Variants in KCNK10 observed in about 807,000 individuals in gnomAD.
The protein encoded by KCNK10 is potassium two pore domain channel subfamily K member 10, also known as potassium channel subfamily K member 10.
A neutral mutation model predicts 47.7 loss-of-function variants in KCNK10; 25 were observed. That is an observed-to-expected ratio of 0.52 (90% CI 0.38 to 0.73). The LOEUF (loss-of-function observed/expected upper bound fraction) is 0.73. Among genes scored for constraint, KCNK10 ranks in the 30% least tolerant of loss-of-function variants. The pLI, the probability that KCNK10 is intolerant of heterozygous loss-of-function variation, is 0.00. For missense variants in KCNK10, 563 were observed against 714.5 expected (o/e 0.79, Z 2.42); for synonymous variants, 303 against 285.6 (o/e 1.06, Z -0.61).
intron 1 of KCNK10, among the ~76,000 whole-genome samples, chr14:88,279,487 G>T (rs2139770614): frequency 6.6e-6 from 1 of 151,160 alleles, no homozygotes; most frequent in Admixed American, 6.6e-5. Context: ...CCAGATTCAG[G>T]AAACAAAAAT....
At chr14:88,199,295 G>A (rs1015186050) in intron 4 of KCNK10, among the ~76,000 whole-genome samples, 1 of 152,112 alleles carries the variant, frequency 6.6e-6, no homozygotes, top group Non-Finnish European at 1.5e-5. Flanking sequence ...ATCCTCTGGT[G>A]TTCAGCAAGC....
At chr14:88,254,505 T>C (rs1405223237) in intron 2 of KCNK10, among the ~76,000 whole-genome samples, 4 of 152,114 alleles carry the variant, frequency 2.6e-5, no homozygotes, top group Admixed American at 2.0e-4. Flanking sequence ...TCAGAATTCA[T>C]AACCTGAAAA....
rs941055018 is a variant in KCNK10, at chr14:88,185,207, C to A, written c.*328G>T. The A allele has an allele frequency of 1.5e-5, 4 of 268,484 alleles. No homozygotes were observed. Among genetic ancestry groups the A allele is most frequent in the Admixed American group, 5.0e-5 (1 of 20,028 alleles). 16.6% of individuals were successfully genotyped at this position (268,484 alleles called of 1,614,324 possible). On this transcript the variant is annotated 3_prime_UTR_variant, in exon 7 of 7. Transcript: ENST00000319231. This position sits in a 1 kb window ranked among gnomAD's most constrained non-coding sequence, Gnocchi z 4.3. ...TTCAGGAGGCTGGTCTAAGGAATAG[C>A]TGCCCTTGTCTACGTGTGTGCCCAG... is the stretch of plus-strand genomic sequence containing the variant.
intron 1 of KCNK10, among the ~76,000 whole-genome samples, chr14:88,299,203 A>T (rs572564770): frequency 6.6e-6 from 1 of 152,218 alleles, no homozygotes; most frequent in Non-Finnish European, 1.5e-5. Flanking sequence ...GTCATATAGT[A>T]TCTGGCAAAT....
chr14:88,233,181 C>T (rs866767498), intron 3 of KCNK10, among the ~76,000 whole-genome samples: 25 of 152,298 alleles, frequency 1.6e-4, no homozygotes, highest in Admixed American at 4.6e-4. Context: ...GGGGGTTTAA[C>T]ATTTATTTCT....
At chr14:88,249,391 C>A (rs1274784270) in intron 2 of KCNK10, among the ~76,000 whole-genome samples, 1 of 152,156 alleles carries the variant, frequency 6.6e-6, no homozygotes, top group Non-Finnish European at 1.5e-5. Context: ...CAAAGCCCTG[C>A]CACTCTAAAG....
chr14:88,218,087 G>C (rs8011778), intron 4 of KCNK10, among the ~76,000 whole-genome samples: 1 of 151,740 alleles, frequency 6.6e-6, no homozygotes, highest in Non-Finnish European at 1.5e-5. Flanking sequence ...TTGAACTCCC[G>C]GGCTCAAGTA....
rs1884774854 is a variant in KCNK10, at chr14:88,192,303, G to A, written c.789C>T (p.Ile263=). The change falls in exon 5 of 7, where the codon ATC becomes ATT. Residue 263 remains isoleucine, a synonymous_variant. Transcript: ENST00000319231. Reference sequence around the variant, plus strand: ...TGGACTCCAAGGCCGTCCAGCCCTCGATGTACTTAAAGATGACAGCAGGGA... The same window carrying A: ...TGGACTCCAAGGCCGTCCAGCCCTCAATGTACTTAAAGATGACAGCAGGGA... ...VTIPAVIFKY[I]EGWTALESIY... is the part of the protein sequence containing the mutation. 13 of 1,613,948 alleles carry A rather than the reference G, an allele frequency of 8.1e-6. No homozygotes were observed. The highest frequency in any genetic ancestry group is 5.5e-5 in the South Asian group (5 of 91,076).
chr14:88,313,768 A>C (rs1888373585), intron 1 of KCNK10, among the ~76,000 whole-genome samples: 1 of 152,204 alleles, frequency 6.6e-6, no homozygotes, highest in African/African-American at 2.4e-5. Context: ...TGAGATAATA[A>C]ATGTTTATAT....
intron 1 of KCNK10, among the ~76,000 whole-genome samples, chr14:88,314,025 T>C (rs1192590659): frequency 1.3e-5 from 2 of 152,240 alleles, no homozygotes; most frequent in African/African-American, 4.8e-5. Context: ...CATTTGATCA[T>C]CTCAGCAACT....
At chr14:88,324,460 G>A (rs1360027305), upstream of KCNK10, among the ~76,000 whole-genome samples, 1 of 152,202 alleles carries the variant, frequency 6.6e-6, no homozygotes, top group Non-Finnish European at 1.5e-5. Flanking sequence ...GTGTTGGATA[G>A]GAAGTAGTTT....
chr14:88,307,327 TCACA>T (rs112756986), intron 1 of KCNK10, among the ~76,000 whole-genome samples: 1,769 of 148,956 alleles, frequency 0.012, 44 homozygotes, highest in African/African-American at 0.041. Flanking sequence ...AAGAAGCTGA[TCACA>T]CACACACACA....
rs1884564928 is a variant in KCNK10, at chr14:88,186,466, G to T, written c.1012-311C>A. Among the ~76,000 whole-genome samples, 1 of 152,106 alleles carries T rather than the reference G, an allele frequency of 6.6e-6. No homozygotes were observed. The highest frequency in any genetic ancestry group is 6.5e-5 in the Admixed American group (1 of 15,284). On this transcript the variant is annotated intron_variant, in intron 6 of 6. Coordinates refer to ENST00000319231, the MANE Select transcript of KCNK10 (RefSeq NM_138317.3). This position sits in a 1 kb window ranked among gnomAD's most constrained non-coding sequence, Gnocchi z 5.5. Reference sequence around the variant, plus strand: ...GCAGGAGAGGTTAAAATGTGGAGTTGGACAGGCCTGGCTTCCAGCTCTCTC... The same window carrying T: ...GCAGGAGAGGTTAAAATGTGGAGTTTGACAGGCCTGGCTTCCAGCTCTCTC...
Position 88,289,595 on chromosome 14 carries a change from A to G in KCNK10, c.53-26044T>C, listed in dbSNP as rs1326056573. 3.9e-5 allele frequency among the ~76,000 whole-genome samples: 6 copies of G among 152,174 alleles called. No homozygotes were observed. The East Asian group carries it at 1.2e-3, about 29-fold the overall frequency. On this transcript the variant is annotated intron_variant, in intron 1 of 6. Transcript: ENST00000319231. ...TGATCTGCTCCTCTTAAGCTGGCCA[A>G]TCTTTAGCTACACACACAGTGAAGA...
chr14:88,185,422 G>A lies in KCNK10; in HGVS notation c.*113C>T. On this transcript the variant is annotated 3_prime_UTR_variant, in exon 7 of 7. Coordinates refer to ENST00000319231, the MANE Select transcript of KCNK10 (RefSeq NM_138317.3). The surrounding 1 kb of genome is among the most constrained non-coding windows in gnomAD (Gnocchi z 4.3). The stretch of plus-strand genomic sequence containing the variant: ...GGCACAGTGAAATATATTCTTCAAT[G>A]CTATGTAATTTTGGACTAAAAAGTC... 2.9e-6 allele frequency: 4 copies of A among 1,384,122 alleles called. No homozygotes were observed. The highest frequency in any genetic ancestry group is 3.9e-6 in the Non-Finnish European group (4 of 1,024,014). 85.7% of individuals were successfully genotyped at this position (1,384,122 alleles called of 1,614,324 possible). A position where few individuals can be genotyped will look rare whatever the true frequency, so the allele number is the denominator to read the frequency against.
chr14:88,300,425 T>C (rs1487923663), intron 1 of KCNK10, among the ~76,000 whole-genome samples: 1 of 152,246 alleles, frequency 6.6e-6, no homozygotes, highest in African/African-American at 2.4e-5. Context: ...AAAGACTATG[T>C]CCTTGATGTT....
chr14:88,195,285 T>G (rs1884875585), intron 4 of KCNK10, among the ~76,000 whole-genome samples: 1 of 152,188 alleles, frequency 6.6e-6, no homozygotes. Flanking sequence ...TGTGCATTAG[T>G]TTTTTTCCTC....
At chr14:88,261,065 T>C (rs934128907) in intron 2 of KCNK10, among the ~76,000 whole-genome samples, 2 of 152,242 alleles carry the variant, frequency 1.3e-5, no homozygotes, top group African/African-American at 2.4e-5. Flanking sequence ...GCTTGTGACA[T>C]CACCAGTGTT....
intron 5 of KCNK10, among the ~76,000 whole-genome samples, chr14:88,188,317 C>T (rs1225343118): frequency 6.6e-6 from 1 of 152,158 alleles, no homozygotes; most frequent in African/African-American, 2.4e-5. Context: ...CTTTACTTCC[C>T]TCGATTCTTG....
Sources: gnomAD v4.1 joint callset for allele counts (sites outside exome capture counted in the v4.1 genomes callset) on GRCh38, gnomAD v4.1.1 for gene constraint, Gnocchi (gnomAD v3.1) non-coding constraint, MANE v1.5 for transcripts, NCBI Gene and HGNC (gene_info 2026-07-23, HGNC 2026-07-21) for gene names.